HNF4A: variants seen among roughly 807,000 people sequenced by gnomAD.
The protein encoded by HNF4A is hepatocyte nuclear factor 4-alpha.
HNF4A carries 15 observed loss-of-function variants against 52.4 expected under a neutral mutation model. The ratio of observed to expected loss-of-function variants is 0.29; its 90% CI spans 0.19 to 0.44. The LOEUF is 0.44. Among genes scored for constraint, HNF4A ranks in the 20% least tolerant of loss-of-function variants. The pLI is 1.00. For synonymous variants in HNF4A, 280 were observed against 264.4 expected (o/e 1.06, Z -0.57); for missense variants, 479 against 647.2 (o/e 0.74, Z 2.82).
chr20:44,378,070 C>T (rs1225119492), intron 1 of HNF4A, among the ~76,000 whole-genome samples: 1 of 152,176 alleles, frequency 6.6e-6, no homozygotes, highest in Non-Finnish European at 1.5e-5. Flanking sequence ...TTGTAAGATA[C>T]TGAATGTAAA....
chr20:44,387,720 T>TAA (rs1321884154), intron 1 of HNF4A, among the ~76,000 whole-genome samples: 2 of 86,886 alleles, frequency 2.3e-5, no homozygotes, highest in Non-Finnish European at 5.6e-5. Flanking sequence ...CCTGGCAGGT[T>TAA]TAAAAAAAAA....
intron 1 of HNF4A, among the ~76,000 whole-genome samples, chr20:44,357,047 C>T (rs1468339812): frequency 6.6e-6 from 1 of 152,146 alleles, no homozygotes; most frequent in African/African-American, 2.4e-5. Context: ...ACACAATCAA[C>T]ATTTATGTCA....
chr20:44,407,987 TAGA>T, intron 3 of HNF4A: 2 of 221,444 alleles, frequency 9.0e-6, no homozygotes, highest in South Asian at 1.5e-4. Flanking sequence ...CTTCACATTC[TAGA>T]AAATGGGAAC....
At chr20:44,422,728 G>A (rs534527534) in intron 7 of HNF4A, among the ~76,000 whole-genome samples, 82 of 150,474 alleles carry the variant, frequency 5.4e-4, no homozygotes, top group African/African-American at 1.8e-3. Context: ...CACCCAGGCT[G>A]GAGTGCAGTG....
upstream of HNF4A, among the ~76,000 whole-genome samples, chr20:44,399,106 C>T (rs960395766): frequency 6.6e-6 from 1 of 152,208 alleles, no homozygotes; most frequent in African/African-American, 2.4e-5. Flanking sequence ...TTCTTCCCAC[C>T]TCTGCACTGC....
intron 8 of HNF4A, among the ~76,000 whole-genome samples, chr20:44,428,034 A>G (rs1224626627): frequency 6.6e-6 from 1 of 152,210 alleles, no homozygotes; most frequent in Non-Finnish European, 1.5e-5. Flanking sequence ...CCATTATGTT[A>G]CTATGTGACC....
At chr20:44,419,953 T>A in intron 7 of HNF4A, 77 bp downstream of exon 7, 1 of 1,418,322 alleles carries the variant, frequency 7.1e-7, no homozygotes. Flanking sequence ...TTGGGTTCTG[T>A]ACACTGAGTT....
chr20:44,356,433 C>G (rs1209052246), intron 1 of HNF4A, among the ~76,000 whole-genome samples: 10 of 152,176 alleles, frequency 6.6e-5, no homozygotes, highest in African/African-American at 2.4e-4. Context: ...GTGAAAGGCT[C>G]AGGCTCACTC....
chr20:44,418,686 C>T (rs1293051047), intron 6 of HNF4A, among the ~76,000 whole-genome samples, 174 bp downstream of exon 6: 1 of 152,210 alleles, frequency 6.6e-6, no homozygotes, highest in Non-Finnish European at 1.5e-5. Context: ...CAACTGGGTA[C>T]CCCACTCAGA....
chr20:44,378,852 G>A (rs779215771), intron 1 of HNF4A, among the ~76,000 whole-genome samples: 3 of 151,088 alleles, frequency 2.0e-5, no homozygotes, highest in Non-Finnish European at 2.9e-5. Flanking sequence ...CCGGGAAGTG[G>A]AGGTTGCAGT....
intron 1 of HNF4A, among the ~76,000 whole-genome samples, chr20:44,374,711 G>A (rs555319879): frequency 6.6e-5 from 10 of 152,274 alleles, no homozygotes; most frequent in African/African-American, 2.2e-4. Flanking sequence ...TGATCCGCCC[G>A]CCTCGGCCTC....
At chr20:44,414,055 C>T (rs1473143607) in intron 4 of HNF4A, among the ~76,000 whole-genome samples, 2 of 152,246 alleles carry the variant, frequency 1.3e-5, no homozygotes, top group Middle Eastern at 3.2e-3. Flanking sequence ...TCTTCACCTT[C>T]ACTGAGGGCC....
chr20:44,401,662 A>G (rs949816625), intron 1 of HNF4A: 1 of 383,964 alleles, frequency 2.6e-6, no homozygotes, highest in South Asian at 1.1e-4. Context: ...AGGCACAGTG[A>G]TCACAGGCAT....
At chr20:44,418,222 G>A (rs764587028) in intron 5 of HNF4A, among the ~76,000 whole-genome samples, 2 of 152,148 alleles carry the variant, frequency 1.3e-5, no homozygotes, top group Non-Finnish European at 2.9e-5. Context: ...GAGTCAGCGC[G>A]AGGTCTCTCA....
chr20:44,421,404 C>T (rs1010979341), intron 7 of HNF4A, among the ~76,000 whole-genome samples: 4 of 152,124 alleles, frequency 2.6e-5, no homozygotes, highest in African/African-American at 7.2e-5. Context: ...TAGAGGGGAC[C>T]TACTGTGTGC....
At chr20:44,395,899 C>T (rs1338841682) in intron 1 of HNF4A, among the ~76,000 whole-genome samples, 4 of 152,094 alleles carry the variant, frequency 2.6e-5, no homozygotes, top group Admixed American at 6.5e-5. Context: ...GTGTGGTGAG[C>T]GCCAAGGGGA....
In HNF4A at chr20:44,419,743, G is replaced by A. The variant is rs1284470973; in HGVS notation, c.759G>A (p.Arg253=). Reference sequence around the variant, plus strand: ...CAGGCAATGACTACATTGTCCCTCGGCACTGCCCGGAGCTGGCGGAGATGA... The same window carrying A: ...CAGGCAATGACTACATTGTCCCTCGACACTGCCCGGAGCTGGCGGAGATGA... The change falls in exon 7 of 10, where the codon CGG becomes CGA. Residue 253 remains arginine, a synonymous_variant. Coordinates refer to ENST00000316099, the MANE Select transcript of HNF4A (RefSeq NM_000457.6). 6.2e-7 allele frequency: 1 copy of A among 1,613,950 alleles called. No homozygotes were observed. Among genetic ancestry groups the A allele is most frequent in the Non-Finnish European group, 8.5e-7 (1 of 1,180,022 alleles).
In HNF4A at chr20:44,430,975, A is replaced by C. The variant is rs1217412840; in HGVS notation, c.*1310A>C. On this transcript the variant is annotated 3_prime_UTR_variant, in exon 10 of 10. Coordinates refer to ENST00000316099, the MANE Select transcript of HNF4A (RefSeq NM_000457.6). ...ATTTAATCCTCCCTTCCTCCCTATT[A>C]ACCTAGAGATTGTTTTTGTTTTTTA... 3.3e-5 allele frequency: 5 copies of C among 152,068 alleles called. No homozygotes were observed. Among genetic ancestry groups the C allele is most frequent in the Non-Finnish European group, 7.4e-5 (5 of 67,988 alleles). The allele number at this position is 152,068 out of a possible 1,614,324, so 9.4% of individuals were successfully genotyped here.
intron 1 of HNF4A, among the ~76,000 whole-genome samples, chr20:44,368,141 C>CATATATATATATATATATAT (rs756822197): frequency 7.7e-5 from 1 of 12,920 alleles, no homozygotes; most frequent in African/African-American, 3.6e-4. Flanking sequence ...TGTGTATATA[C>CATATATATATATATATATAT]ATATATATAT....
Sources: gnomAD v4.1 joint callset for allele counts (sites outside exome capture counted in the v4.1 genomes callset) on GRCh38, gnomAD v4.1.1 for gene constraint, MANE v1.5 for transcripts, NCBI Gene and HGNC (gene_info 2026-07-23, HGNC 2026-07-21) for gene names.